Variants in STAG2 observed in about 807,000 individuals in gnomAD.
The protein encoded by STAG2 is cohesin subunit SA-2.
In STAG2, 14 loss-of-function variants were observed where a neutral mutation model predicts 108.1. That is an observed-to-expected ratio of 0.13 (90% CI 0.09 to 0.20). The LOEUF (loss-of-function observed/expected upper bound fraction) is 0.20. STAG2 is among the 10% of genes least tolerant of loss of function. STAG2 has a pLI of 1.00. For synonymous variants in STAG2, 307 were observed against 302.7 expected (o/e 1.01, Z -0.15); for missense variants, 440 against 940.9 (o/e 0.47, Z 6.96).
chrX:124,002,812 CT>C (rs111999061), intron 1 of STAG2, among the ~76,000 whole-genome samples: 1,365 of 92,827 alleles, frequency 0.015, 27 homozygotes, highest in African/African-American at 0.045. Context: ...TTCTTTCTTT[CT>C]TTTTTTTTTT....
intron 24 of STAG2, among the ~76,000 whole-genome samples, chrX:124,069,086 G>A (rs1001134390): frequency 2.7e-5 from 3 of 111,540 alleles, no homozygotes; most frequent in African/African-American, 9.8e-5. Flanking sequence ...GACCTTCTCT[G>A]AAATAAACAT....
chrX:124,000,483 A>T (rs1243481249), intron 1 of STAG2, among the ~76,000 whole-genome samples: 5 of 110,770 alleles, frequency 4.5e-5, no homozygotes, highest in Non-Finnish European at 5.7e-5. Flanking sequence ...CATCCTGGGC[A>T]ACATAGTGAG....
chrX:123,961,311 C>G (rs1032069831), upstream of STAG2: 8 of 105,679 alleles, frequency 7.6e-5, no homozygotes, highest in South Asian at 4.4e-4. Context: ...CCCCCCCCCC[C>G]ATGGGTGGCC....
upstream of STAG2, chrX:123,960,595 G>A (rs939619099): frequency 1.7e-5 from 1 of 59,175 alleles, no homozygotes; most frequent in Non-Finnish European, 2.7e-5. Context: ...CAATCCCGAA[G>A]CGCCACCAAA....
At chrX:124,004,217 C>G (rs2056188212) in intron 1 of STAG2, among the ~76,000 whole-genome samples, 1 of 111,915 alleles carries the variant, frequency 8.9e-6, no homozygotes, top group Admixed American at 9.5e-5. Flanking sequence ...CTCCTCAATT[C>G]TGTTAATCCA....
At chrX:124,040,156 G>A (rs1458507340) in intron 6 of STAG2, among the ~76,000 whole-genome samples, 1 of 111,128 alleles carries the variant, frequency 9.0e-6, no homozygotes, top group East Asian at 2.8e-4. Flanking sequence ...TATACTTATT[G>A]TAATTTAACA....
At position 124,025,869 on chromosome X, in the gene STAG2, C is replaced by T; in HGVS notation, c.74C>T (p.Thr25Ile). The change falls in exon 4 of 35, where the codon ACA becomes ATA. Residue 25 changes from threonine to isoleucine, a missense_variant. Coordinates refer to ENST00000371145, the MANE Select transcript of STAG2 (RefSeq NM_001042750.2). ...QESETHFSSDTDFEDIEGKNQ... is the reference protein window; with the variant it reads ...QESETHFSSDIDFEDIEGKNQ... ...TCAGAAACACATTTTTCTTCTGACACAGATTTTGAAGATATCGAAGGAAAA... is the reference window on the plus strand; with the variant it reads ...TCAGAAACACATTTTTCTTCTGACATAGATTTTGAAGATATCGAAGGAAAA... The T allele has an allele frequency of 8.4e-7, 1 of 1,185,411 alleles. No homozygotes were observed. The highest frequency in any genetic ancestry group is 1.1e-6 in the Non-Finnish European group (1 of 881,335).
chrX:124,016,412 C>T (rs929142502), intron 1 of STAG2, among the ~76,000 whole-genome samples: 13 of 111,985 alleles, frequency 1.2e-4, no homozygotes, highest in Non-Finnish European at 9.4e-5. Context: ...AAATTACCCA[C>T]CTTGATTTGT....
At chrX:123,969,419 TA>T (rs1480029217) in intron 1 of STAG2, among the ~76,000 whole-genome samples, 2 of 111,850 alleles carry the variant, frequency 1.8e-5, no homozygotes, top group African/African-American at 6.5e-5. Context: ...TAATCTTTAA[TA>T]ATTCAGCGCT....
chrX:123,972,564 C>T (rs2054407155), intron 1 of STAG2, among the ~76,000 whole-genome samples: 1 of 109,950 alleles, frequency 9.1e-6, no homozygotes, highest in South Asian at 3.9e-4. Context: ...AGCCACCGCG[C>T]CCGGCCAATT....
At chrX:124,046,342 A>T (rs1367332848) in intron 8 of STAG2, among the ~76,000 whole-genome samples, 1 of 112,063 alleles carries the variant, frequency 8.9e-6, no homozygotes, top group East Asian at 2.8e-4. Flanking sequence ...TTGAAGTCAG[A>T]AAATATGAAT....
At chrX:123,973,222 T>G (rs1039584913) in intron 1 of STAG2, among the ~76,000 whole-genome samples, 2 of 110,840 alleles carry the variant, frequency 1.8e-5, no homozygotes, top group Non-Finnish European at 3.8e-5. Context: ...TAGGGCTCAT[T>G]GTTAAAATCA....
intron 1 of STAG2, among the ~76,000 whole-genome samples, chrX:124,008,700 GGAGGGAGACAGAGGGA>G (rs1233613194): frequency 2.0e-4 from 22 of 111,573 alleles, no homozygotes; most frequent in African/African-American, 6.5e-4. Context: ...TATGGTGGGT[GGAGGGAGACAGAGGGA>G]GAGGGAGATT....
chrX:123,999,040 C>T (rs1047168624), intron 1 of STAG2, among the ~76,000 whole-genome samples: 7 of 111,408 alleles, frequency 6.3e-5, no homozygotes, highest in Non-Finnish European at 1.3e-4. Context: ...ATCACTTGAG[C>T]CCAGGAGTTC....
chrX:124,065,861 AATTAAT>A lies in STAG2; in HGVS notation c.2026-11_2026-6del, dbSNP rs1569516356. 1 of 1,106,613 alleles carries A rather than the reference AATTAAT, an allele frequency of 9.0e-7. No individual in the cohort carries two copies. The highest frequency in any genetic ancestry group is 2.7e-5 in the Admixed American group (1 of 37,197). 91.2% of individuals were successfully genotyped at this position (1,106,613 alleles called of 1,213,427 possible). On this transcript the variant is annotated splice_polypyrimidine_tract_variant and intron_variant, in intron 20 of 34. Transcript: ENST00000371145. The stretch of plus-strand genomic sequence containing the variant: ...TTCACTTTGATGGTTCTTAATGTAT[AATTAAT>A]ATTTATAGGGTGAAGAACCTGATGA...
intron 1 of STAG2, among the ~76,000 whole-genome samples, chrX:123,985,454 G>A (rs1285628738): frequency 9.0e-6 from 1 of 111,501 alleles, no homozygotes; most frequent in Non-Finnish European, 1.9e-5. Flanking sequence ...TGGTCATTAT[G>A]TGCTTTAATC....
intron 25 of STAG2, among the ~76,000 whole-genome samples, chrX:124,073,629 C>T (rs891134618): frequency 2.7e-5 from 3 of 111,585 alleles, no homozygotes; most frequent in African/African-American, 9.8e-5. Context: ...CGCTGTGTAG[C>T]CCAGCGTGGT....
intron 1 of STAG2, among the ~76,000 whole-genome samples, chrX:124,004,003 CAT>C (rs777191042): frequency 1.7e-3 from 189 of 112,044 alleles, no homozygotes; most frequent in Non-Finnish European, 2.9e-3. Flanking sequence ...ATACAGATAA[CAT>C]ATACATTTGA....
intron 1 of STAG2, among the ~76,000 whole-genome samples, chrX:124,015,586 G>A (rs112335861): frequency 3.7e-5 from 4 of 109,232 alleles, no homozygotes; most frequent in African/African-American, 1.3e-4. Context: ...GTTTCACCAT[G>A]TTGGTCTTGA....
Sources: gnomAD v4.1 joint callset for allele counts (sites outside exome capture counted in the v4.1 genomes callset) on GRCh38, gnomAD v4.1.1 for gene constraint, MANE v1.5 for transcripts, NCBI Gene and HGNC (gene_info 2026-07-23, HGNC 2026-07-21) for gene names.